Variants in MSR1 observed in about 807,000 individuals in gnomAD.
The protein encoded by MSR1 is macrophage scavenger receptor types I and II.
A neutral mutation model predicts 47.2 loss-of-function variants in MSR1; 53 were observed. The observed-to-expected ratio is 1.12, with a 90% CI of 0.90 to 1.41. The LOEUF (loss-of-function observed/expected upper bound fraction) is 1.41. MSR1 is among the 40% of genes most tolerant of loss of function. The probability of loss-of-function intolerance (pLI) is 0.00; values close to 1 mark genes in which losing one functional copy is unlikely to be tolerated. For missense variants in MSR1, 786 were observed against 546.9 expected (o/e 1.44, Z -4.36); for synonymous variants, 239 against 185.6 (o/e 1.29, Z -2.34).
intron 8 of MSR1, 46 bp from the exon 9 acceptor site, chr8:16,120,652 G>C (rs758962753): frequency 1.3e-6 from 2 of 1,523,722 alleles, no homozygotes; most frequent in East Asian, 4.7e-5. Context: ...GGCAAGCAAG[G>C]ACTAATTATG....
rs868683513 is a variant in MSR1 at position 16,150,148 on chromosome 8, A to G, written c.979+83T>C. 52 of 216,726 alleles carry G rather than the reference A, an allele frequency of 2.4e-4. No individual in the cohort carries two copies. The East Asian group carries it at 3.0e-3, about 12-fold the overall frequency. The allele number at this position is 216,726 out of a possible 1,614,324, so 13.4% of individuals were successfully genotyped here. Reference sequence around the variant, plus strand: ...TGTGTATGTGTGTGTGTGTATATATATATATATATATATATATATATATAA... The same window carrying G: ...TGTGTATGTGTGTGTGTGTATATATGTATATATATATATATATATATATAA... On this transcript the variant is annotated intron_variant, in intron 7 of 9. Transcript: ENST00000262101.
chr8:16,140,662 G>A (rs1015201180), intron 8 of MSR1: 24 of 1,247,370 alleles, frequency 1.9e-5, no homozygotes, highest in Non-Finnish European at 2.3e-5. Context: ...ATTAAATTGG[G>A]TTCAAGACTC....
intron 8 of MSR1, among the ~76,000 whole-genome samples, chr8:16,137,390 G>A (rs1296265552): frequency 6.6e-6 from 1 of 152,088 alleles, no homozygotes; most frequent in African/African-American, 2.4e-5. Flanking sequence ...GCCCATTCTA[G>A]AAAACCAAAC....
intron 5 of MSR1, among the ~76,000 whole-genome samples, chr8:16,158,505 T>C (rs964109050): frequency 6.6e-6 from 1 of 151,980 alleles, no homozygotes; most frequent in East Asian, 1.9e-4. Flanking sequence ...TCCAGAGCGA[T>C]GCTTCTCTAG....
At chr8:16,188,151 C>G (rs997521315) in intron 1 of MSR1, among the ~76,000 whole-genome samples, 1 of 152,088 alleles carries the variant, frequency 6.6e-6, no homozygotes, top group Admixed American at 6.6e-5. Flanking sequence ...AGAAGTGAAA[C>G]ACGTTTCTGT....
chr8:16,121,328 T>C, intron 8 of MSR1: 1 of 262,424 alleles, frequency 3.8e-6, no homozygotes, highest in Non-Finnish European at 7.5e-6. Flanking sequence ...GTAATTTTGT[T>C]CTGTAATGTC....
At chr8:16,168,913 T>C in intron 3 of MSR1, 43 bp from the exon 4 acceptor site, 1 of 1,561,248 alleles carries the variant, frequency 6.4e-7, no homozygotes, top group Non-Finnish European at 8.8e-7. Flanking sequence ...GCCTGATCCT[T>C]GAATGCATAC....
At position 16,125,122 on chromosome 8, in the gene MSR1, T is replaced by G. The variant is rs566892227; in HGVS notation, c.1034-4516A>C. Reference sequence around the variant, plus strand: ...GCTCTGATCAGAGAAGCCTGAGACATTAGAAAATCTGATCTTGTCAGCTCA... The same window carrying G: ...GCTCTGATCAGAGAAGCCTGAGACAGTAGAAAATCTGATCTTGTCAGCTCA... On this transcript the variant is annotated intron_variant, in intron 8 of 9. Transcript: ENST00000262101. 3.3e-5 allele frequency among the ~76,000 whole-genome samples: 5 copies of G among 152,202 alleles called. No homozygotes were observed. In the South Asian group the frequency reaches 6.2e-4, roughly 19 times the overall value.
At chr8:16,134,800 A>G (rs1419886373) in intron 8 of MSR1, among the ~76,000 whole-genome samples, 2 of 152,222 alleles carry the variant, frequency 1.3e-5, no homozygotes, top group Non-Finnish European at 2.9e-5. Flanking sequence ...CACTCCAGTG[A>G]ACACAAAAAT....
intron 1 of MSR1, among the ~76,000 whole-genome samples, chr8:16,190,432 T>A (rs74643139): frequency 6.6e-6 from 1 of 152,156 alleles, no homozygotes; most frequent in Non-Finnish European, 1.5e-5. Flanking sequence ...ATCATTTAGA[T>A]TTTGATAAGA....
At chr8:16,150,350 A>AT in intron 6 of MSR1, 39 bp from the exon 7 acceptor site, 1 of 1,227,934 alleles carries the variant, frequency 8.1e-7, no homozygotes, top group Non-Finnish European at 1.2e-6. Context: ...GTAATAATTC[A>AT]TTTTCATACA....
intron 8 of MSR1, chr8:16,121,228 C>G (rs993489614): frequency 6.5e-5 from 25 of 387,354 alleles, no homozygotes; most frequent in Non-Finnish European, 1.3e-4. Context: ...AAAATATTAA[C>G]GAGATAAAAA....
At chr8:16,117,660 T>A (rs1012095813) in intron 9 of MSR1, among the ~76,000 whole-genome samples, 2 of 152,100 alleles carry the variant, frequency 1.3e-5, no homozygotes, top group African/African-American at 4.8e-5. Context: ...ATTTCCAACA[T>A]GCTATCTTAG....
intron 8 of MSR1, among the ~76,000 whole-genome samples, chr8:16,132,829 G>C (rs939806117): frequency 6.8e-6 from 1 of 148,076 alleles, no homozygotes; most frequent in African/African-American, 2.4e-5. Context: ...GTAGTGGAGA[G>C]GGCATCATTA....
chr8:16,175,568 C>A (rs907154095), intron 2 of MSR1, among the ~76,000 whole-genome samples: 1 of 152,108 alleles, frequency 6.6e-6, no homozygotes, highest in African/African-American at 2.4e-5. Context: ...CTTGTTTGAT[C>A]TTTTGGAATC....
At chr8:16,184,608 C>T (rs1392797704) in intron 1 of MSR1, among the ~76,000 whole-genome samples, 1 of 152,012 alleles carries the variant, frequency 6.6e-6, no homozygotes, top group African/African-American at 2.4e-5. Context: ...TCACAACCTA[C>T]CCAAAATATA....
intron 1 of MSR1, among the ~76,000 whole-genome samples, chr8:16,190,747 G>C (rs1358002422): frequency 7.4e-6 from 1 of 134,934 alleles, no homozygotes; most frequent in Non-Finnish European, 1.6e-5. Flanking sequence ...TTGAGATGGA[G>C]TTTCGCTCTT....
At chr8:16,192,453 T>C (rs899075837) in intron 1 of MSR1, 145 bp downstream of exon 1, 10 of 149,212 alleles carry the variant, frequency 6.7e-5, no homozygotes, top group Admixed American at 4.7e-4. Context: ...GCTGATACAA[T>C]AAAGCATTCA....
At chr8:16,150,127 T>C (rs1237709381) in intron 7 of MSR1, 104 bp downstream of exon 7, 1 of 203,262 alleles carries the variant, frequency 4.9e-6, no homozygotes, top group African/African-American at 3.8e-5. Flanking sequence ...TGTGTGTGTG[T>C]ATGTGTGTGT....
Sources: allele counts gnomAD v4.1 joint callset (sites outside exome capture counted in the v4.1 genomes callset), GRCh38; gene constraint gnomAD v4.1.1; transcripts MANE v1.5; gene names NCBI Gene and HGNC (gene_info 2026-07-23, HGNC 2026-07-21).